The following CDHR1 variants were observed in gnomAD, a reference collection of about 807,000 sequenced individuals.
CDHR1 encodes the protein cadherin-related family member 1.
A neutral mutation model predicts 72.1 loss-of-function variants in CDHR1; 61 were observed. That is an observed-to-expected ratio of 0.85 (90% CI 0.69 to 1.05). CDHR1 has a LOEUF of 1.05. CDHR1 is among the 50% of genes least tolerant of loss of function. CDHR1 has a pLI of 0.00. For synonymous variants in CDHR1, 470 were observed against 448.1 expected, an observed-to-expected ratio of 1.05 and a Z score of -0.62; for missense variants, 1,186 against 1,115.7, an observed-to-expected ratio of 1.06 and a Z score of -0.90.
chr10:84,214,987 A>C lies in CDHR1; in HGVS notation c.*366A>C. 8.5e-7 allele frequency: 1 copy of C among 1,177,414 alleles called. No homozygotes were observed. Among genetic ancestry groups the C allele is most frequent in the Non-Finnish European group, 1.1e-6 (1 of 943,584 alleles). 72.9% of individuals were successfully genotyped at this position (1,177,414 alleles called of 1,614,324 possible). On this transcript the variant is annotated 3_prime_UTR_variant, in exon 17 of 17. Transcript: ENST00000623527. ...CCTCAGGTTCTACTGGGATCTCATC[A>C]TCATCCTTAGTCAAGCAGCAGGGCC...
At chr10:84,202,035 G>A (rs1266032437) in intron 7 of CDHR1, 115 bp downstream of exon 7, 1 of 776,020 alleles carries the variant, frequency 1.3e-6, no homozygotes, top group East Asian at 2.7e-5. Context: ...TGATGGGCGT[G>A]GGGAAATAGG....
At chr10:84,218,840 A>G (rs775075387), downstream of CDHR1, 1 of 902,056 alleles carries the variant, frequency 1.1e-6, no homozygotes. Flanking sequence ...AAATGGCCCT[A>G]TGTGCTGAGT....
intron 9 of CDHR1, chr10:84,205,593 A>G (rs1842210456): frequency 1.7e-6 from 1 of 586,830 alleles, no homozygotes; most frequent in Admixed American, 2.7e-5. Flanking sequence ...GGGACACAGT[A>G]TGGAATGTGG....
intron 3 of CDHR1, among the ~76,000 whole-genome samples, chr10:84,197,003 A>G (rs1842042029): frequency 6.6e-6 from 1 of 152,260 alleles, no homozygotes; most frequent in African/African-American, 2.4e-5. Flanking sequence ...GGAGAGGCAC[A>G]GGAACTCAGA....
intron 4 of CDHR1, among the ~76,000 whole-genome samples, 169 bp downstream of exon 4, chr10:84,198,005 CA>C (rs1842058485): frequency 6.6e-6 from 1 of 152,282 alleles, no homozygotes; most frequent in Admixed American, 6.5e-5. Flanking sequence ...GCAGCAAGGC[CA>C]GGGGGAAGGA....
At chr10:84,211,338 A>G (rs1261131221) in intron 13 of CDHR1, among the ~76,000 whole-genome samples, 173 bp downstream of exon 13, 1 of 152,220 alleles carries the variant, frequency 6.6e-6, no homozygotes, top group Non-Finnish European at 1.5e-5. Flanking sequence ...TGGGTATTAC[A>G]ACACCTCACA....
rs1842422996 is a variant in CDHR1, at chr10:84,216,177, A to G, written c.*1556A>G. The G allele has an allele frequency of 4.1e-6, 4 of 985,466 alleles. No homozygotes were observed. The highest frequency in any genetic ancestry group is 4.8e-6 in the Non-Finnish European group (4 of 829,942). The allele number at this position is 985,466 out of a possible 1,614,324, so 61.0% of individuals were successfully genotyped here. A position where few individuals can be genotyped will look rare whatever the true frequency, so the allele number is the denominator to read the frequency against. On this transcript the variant is annotated 3_prime_UTR_variant, in exon 17 of 17. Transcript: ENST00000623527. ...AGAACAGTTCTTTGCATTTGGCTCT[A>G]CTTACTAACAACCCCTCTAGAATAC...
intron 12 of CDHR1, among the ~76,000 whole-genome samples, chr10:84,210,473 G>A (rs1015906755): frequency 1.3e-5 from 2 of 151,996 alleles, no homozygotes; most frequent in Non-Finnish European, 2.9e-5. Context: ...CACCATGTTG[G>A]CCAGGCTGGT....
At chr10:84,211,368 T>C (rs11200924) in intron 13 of CDHR1, among the ~76,000 whole-genome samples, 23,546 of 152,312 alleles carry the variant, frequency 0.15, 2,367 homozygotes, top group Middle Eastern at 0.26. Flanking sequence ...TGAGGATATA[T>C]GTGTAAACAA....
chr10:84,216,900 C>G lies in CDHR1; in HGVS notation c.*2279C>G, dbSNP rs1330034364. The G allele has an allele frequency of 1.0e-6, 1 of 985,508 alleles. No homozygotes were observed. The highest frequency in any genetic ancestry group is 1.2e-6 in the Non-Finnish European group (1 of 829,972). The allele number at this position is 985,508 out of a possible 1,614,324, so 61.0% of individuals were successfully genotyped here. On this transcript the variant is annotated 3_prime_UTR_variant, in exon 17 of 17. Transcript: ENST00000623527. ...GGTGGGCATGAAAGCTTGGGAAGCA[C>G]TGTCGTCTCTCAGACAGGCGTCCTA...
At chr10:84,211,565 T>C (rs1438743328) in intron 13 of CDHR1, 83 bp from the exon 14 acceptor site, 2 of 1,291,010 alleles carry the variant, frequency 1.5e-6, no homozygotes, top group African/African-American at 2.9e-5. Flanking sequence ...TGCTTTGTGG[T>C]TGAAAGCAAC....
At chr10:84,205,724 C>A (rs1842212545) in intron 9 of CDHR1, 103 bp from the exon 10 acceptor site, 2 of 768,656 alleles carry the variant, frequency 2.6e-6, no homozygotes, top group African/African-American at 1.7e-5. Flanking sequence ...GGATTCCATT[C>A]TATGAAGACT....
In CDHR1 at chr10:84,217,488, C is replaced by T; in HGVS notation, c.*2867C>T. The stretch of plus-strand genomic sequence containing the variant: ...ATTCTGGTTCTGCCATTAATTGTGA[C>T]TTTGGGCAAGAGGTCAAGTCTCTCT... On this transcript the variant is annotated 3_prime_UTR_variant, in exon 17 of 17. Transcript: ENST00000623527. 1 of 980,102 alleles carries T rather than the reference C, an allele frequency of 1.0e-6. No homozygotes were observed. Among genetic ancestry groups the T allele is most frequent in the Non-Finnish European group, 1.2e-6 (1 of 825,082 alleles). 60.7% of individuals were successfully genotyped at this position (980,102 alleles called of 1,614,324 possible).
intron 16 of CDHR1, 61 bp from the exon 17 acceptor site, chr10:84,214,021 A>G: frequency 3.1e-6 from 5 of 1,608,266 alleles, no homozygotes; most frequent in Non-Finnish European, 4.3e-6. Context: ...GCACATACCT[A>G]CTCTGTACTC....
Position 84,212,381 on chromosome 10 carries a change from G to A in CDHR1, c.1756G>A (p.Val586Met). ...AAAGAGCGTTCAGAAGAAGACGATG[G>A]TGCTAGGGACCCCAGTGAAAATTGA... ...FGKSVQKKTM[V>M]LGTPVKIEAI... is the part of the protein sequence containing the mutation. The change falls in exon 15 of 17, where the codon GTG (valine) becomes ATG (methionine). Residue 586 changes from valine (V) to methionine (M), a missense_variant. Transcript: ENST00000623527. The A allele has an allele frequency of 6.2e-7, 1 of 1,614,212 alleles. No homozygotes were observed. The highest frequency in any genetic ancestry group is 8.5e-7 in the Non-Finnish European group (1 of 1,180,042).
Position 84,195,685 on chromosome 10 carries a change from G to A in CDHR1, c.151+96G>A. The A allele has an allele frequency of 3.0e-6, 3 of 1,009,244 alleles. 1 individual carries two copies. In the South Asian group the frequency reaches 4.0e-5, roughly 14 times the overall value. The allele number at this position is 1,009,244 out of a possible 1,614,324, so 62.5% of individuals were successfully genotyped here. On this transcript the variant is annotated intron_variant, in intron 2 of 16. Transcript: ENST00000623527. The stretch of plus-strand genomic sequence containing the variant: ...CCCCAGGCACCACCCAAGTTGCTGC[G>A]CGCGCCCGGGGGCTCCTTGTTTGCT...
Position 84,216,650 on chromosome 10 carries a change from C to T in CDHR1, c.*2029C>T. ...TCAGCAGGTGGATCCATTCTTCGAC[C>T]CCCAGATGTGACTCTAAAGAAGGCT... On this transcript the variant is annotated 3_prime_UTR_variant, in exon 17 of 17. Coordinates refer to ENST00000623527, the MANE Select transcript of CDHR1 (RefSeq NM_033100.4). 1.0e-6 allele frequency: 1 copy of T among 985,482 alleles called. No individual in the cohort carries two copies. Among genetic ancestry groups the T allele is most frequent in the Non-Finnish European group, 1.2e-6 (1 of 829,958 alleles). The allele number at this position is 985,482 out of a possible 1,614,324, so 61.0% of individuals were successfully genotyped here.
rs1448332690 is a variant in CDHR1, at chr10:84,214,091, C to T, written c.2050C>T (p.Arg684Trp). 6.2e-7 allele frequency: 1 copy of T among 1,614,194 alleles called. No homozygotes were observed. ...TGGCTTTCTCTTTCAGACCCTCTCC[C>T]GGAGCCCCATGGCTGCCTTCCTGAT... ...IDITDAETLSRSPMAAFLIQT... is the reference protein window; with the variant it reads ...IDITDAETLSWSPMAAFLIQT... The change falls in exon 17 of 17, where the codon CGG becomes TGG. Residue 684 changes from arginine to tryptophan, a missense_variant. Transcript: ENST00000623527.
rs553640224 is a variant in CDHR1 at position 84,205,894 on chromosome 10, G to T, written c.930G>T (p.Gln310His). Residue 310 changes from glutamine to histidine, a missense_variant, in exon 10 of 17, where the codon CAG becomes CAT. Physicochemically the swap from Gln to His is conservative, Grantham distance 24. Coordinates refer to ENST00000623527, the MANE Select transcript of CDHR1 (RefSeq NM_033100.4). ...GAISITQSPA[Q>H]LQREVYELHV... ...TCTCCATCACTCAGAGCCCGGCCCA[G>T]CTCCAGAGAGAGGTGTATGAGCTGC... 2 of 1,614,106 alleles carry T rather than the reference G, an allele frequency of 1.2e-6. No individual in the cohort carries two copies. The highest frequency in any genetic ancestry group is 1.7e-5 in the Admixed American group (1 of 60,018).
Sources: gnomAD v4.1 joint callset for allele counts (sites outside exome capture counted in the v4.1 genomes callset) on GRCh38, gnomAD v4.1.1 for gene constraint, MANE v1.5 for transcripts, NCBI Gene and HGNC (gene_info 2026-07-23, HGNC 2026-07-21) for gene names.